Variants in CLIP1 observed in about 807,000 individuals in gnomAD.
The protein encoded by CLIP1 is CAP-Gly domain containing linker protein 1.
CLIP1 carries 66 observed loss-of-function variants against 161.6 expected under a neutral mutation model. The observed-to-expected ratio is 0.41, with a 90% CI of 0.33 to 0.50. CLIP1 has a LOEUF of 0.50. Ranked by LOEUF, CLIP1 falls within the 20% of genes least tolerant of loss-of-function variation. The pLI is 0.27. For missense variants in CLIP1, 1,376 were observed against 1,702.0 expected (o/e 0.81, Z 3.37); for synonymous variants, 598 against 626.2 (o/e 0.96, Z 0.67).
intron 17 of CLIP1, among the ~76,000 whole-genome samples, chr12:122,319,956 G>A (rs934501594): frequency 6.6e-6 from 1 of 152,178 alleles, no homozygotes; most frequent in Admixed American, 6.5e-5. Context: ...ATTCTTAGCT[G>A]TTAACTATCA....
intron 3 of CLIP1, 55 bp from the exon 4 acceptor site, chr12:122,364,162 G>C: frequency 1.9e-6 from 3 of 1,606,884 alleles, no homozygotes; most frequent in South Asian, 2.2e-5. Context: ...TAGCTTAATC[G>C]TTTGTGGTCC....
intron 3 of CLIP1, among the ~76,000 whole-genome samples, chr12:122,366,816 G>C (rs1297154588): frequency 3.9e-5 from 6 of 152,194 alleles, no homozygotes; most frequent in Non-Finnish European, 7.3e-5. Flanking sequence ...ACTCCAGCCT[G>C]GGTGACAGAG....
At chr12:122,390,243 TATATATACAC>T (rs201830343) in intron 1 of CLIP1, among the ~76,000 whole-genome samples, 7,437 of 122,346 alleles carry the variant, frequency 0.061, 461 homozygotes, top group East Asian at 0.27. Flanking sequence ...TACACACACA[TATATATACAC>T]ATATATACAC....
chr12:122,380,484 G>A lies in CLIP1; in HGVS notation c.-32C>T. The A allele has an allele frequency of 7.1e-7, 1 of 1,407,944 alleles. No individual in the cohort carries two copies. The highest frequency in any genetic ancestry group is 1.0e-6 in the Non-Finnish European group (1 of 998,164). The allele number at this position is 1,407,944 out of a possible 1,614,324, so 87.2% of individuals were successfully genotyped here. A position where few individuals can be genotyped will look rare whatever the true frequency, so the allele number is the denominator to read the frequency against. On this transcript the variant is annotated 5_prime_UTR_variant, in exon 2 of 26. Coordinates refer to ENST00000620786, the MANE Select transcript of CLIP1 (RefSeq NM_001247997.2). ...TGTATGTCAGAGCTGTTTCTCCTTT[G>A]CCTGTTGCCACTATCTTTCCCCAAC...
At chr12:122,325,542 C>T (rs1315125769) in intron 17 of CLIP1, among the ~76,000 whole-genome samples, 1 of 151,402 alleles carries the variant, frequency 6.6e-6, no homozygotes, top group Non-Finnish European at 1.5e-5. Flanking sequence ...AGGGAAGTGG[C>T]GCGATCTCGG....
chr12:122,400,434 T>C (rs1229091916), intron 1 of CLIP1: 1 of 152,312 alleles, frequency 6.6e-6, no homozygotes, highest in East Asian at 1.9e-4. Context: ...ACGGGCTTCA[T>C]TTCCCACGTA....
intron 5 of CLIP1, among the ~76,000 whole-genome samples, chr12:122,360,148 G>A (rs1953702647): frequency 6.6e-6 from 1 of 152,164 alleles, no homozygotes; most frequent in African/African-American, 2.4e-5. Context: ...GTTCCCTTTA[G>A]TGTCCTCTGG....
At chr12:122,287,150 G>T (rs1368747416) in intron 21 of CLIP1, among the ~76,000 whole-genome samples, 1 of 151,732 alleles carries the variant, frequency 6.6e-6, no homozygotes, top group Non-Finnish European at 1.5e-5. Flanking sequence ...CTCCAACTGG[G>T]GAGACACAGC....
At chr12:122,322,566 G>A (rs1951552461) in intron 17 of CLIP1, 1 of 152,690 alleles carries the variant, frequency 6.5e-6, no homozygotes, top group Non-Finnish European at 1.5e-5. Context: ...ATCTCTGCCA[G>A]TTCTTGCTCT....
intron 20 of CLIP1, among the ~76,000 whole-genome samples, chr12:122,305,605 AC>A (rs1303439874): frequency 3.3e-5 from 5 of 152,226 alleles, no homozygotes; most frequent in African/African-American, 1.2e-4. Flanking sequence ...GATGGTTAAT[AC>A]TGAGTGTCAA....
Position 122,311,606 on chromosome 12 carries a change from G to C in CLIP1, c.3474-1724C>G, listed in dbSNP as rs1293281039. 6.6e-6 allele frequency among the ~76,000 whole-genome samples: 1 copy of C among 151,812 alleles called. No individual in the cohort carries two copies. The highest frequency in any genetic ancestry group is 1.5e-5 in the Non-Finnish European group (1 of 67,960). On this transcript the variant is annotated intron_variant, in intron 19 of 25. Coordinates refer to ENST00000620786, the MANE Select transcript of CLIP1 (RefSeq NM_001247997.2). The surrounding 1 kb of genome is among the most constrained non-coding windows in gnomAD (Gnocchi z 4.3). ...CGCCCAGCCAATTTTTGTATTTTTA[G>C]TAGAGACGGGGTTTCATCATGTTGG...
At chr12:122,367,999 AAGAT>A (rs1346872819) in intron 3 of CLIP1, among the ~76,000 whole-genome samples, 1 of 152,176 alleles carries the variant, frequency 6.6e-6, no homozygotes, top group East Asian at 1.9e-4. Context: ...AAAAAACTAA[AAGAT>A]AGATTCCCAT....
Position 122,294,881 on chromosome 12 carries a change from C to T in CLIP1, c.3595-6340G>A, listed in dbSNP as rs146329473. Among the ~76,000 whole-genome samples the T allele has an allele frequency of 4.1e-3, 624 of 151,812 alleles. 8 individuals carry two copies. Among genetic ancestry groups the T allele is most frequent in the African/African-American group, 0.014 (584 of 41,402 alleles). On this transcript the variant is annotated intron_variant, in intron 20 of 25. Coordinates refer to ENST00000620786, the MANE Select transcript of CLIP1 (RefSeq NM_001247997.2). Reference sequence around the variant, plus strand: ...CTGCCTAACTAACATGGTGAAACTCCGTCTCTACTAAAAATACAAAAAATT... The same window carrying T: ...CTGCCTAACTAACATGGTGAAACTCTGTCTCTACTAAAAATACAAAAAATT...
intron 21 of CLIP1, among the ~76,000 whole-genome samples, chr12:122,281,389 A>G (rs1770012469): frequency 1.3e-5 from 2 of 152,142 alleles, no homozygotes; most frequent in African/African-American, 4.8e-5. Flanking sequence ...CAAAGATGCA[A>G]TAAAGCCTGG....
chr12:122,316,805 T>C lies in CLIP1; in HGVS notation c.3417A>G (p.Lys1139=), dbSNP rs771113680. The change falls in exon 19 of 26, where the codon AAA becomes AAG. Residue 1139 remains lysine, a synonymous_variant. Transcript: ENST00000620786. ...NNLKNVEELN[K]SKELLTVENQ... ...TCTCTACAGTCAGGAGTTCTTTTGA[T>C]TTGTTCAGCTCTTCCACATTTTTCA... 1.3e-6 allele frequency: 2 copies of C among 1,598,526 alleles called. No homozygotes were observed. Among genetic ancestry groups the C allele is most frequent in the Non-Finnish European group, 1.7e-6 (2 of 1,174,226 alleles).
At chr12:122,350,727 C>T (rs143251695) in intron 9 of CLIP1, among the ~76,000 whole-genome samples, 100 of 150,444 alleles carry the variant, frequency 6.6e-4, no homozygotes, top group African/African-American at 2.4e-3. Flanking sequence ...ATTCCCACAA[C>T]TCCACATCTA....
intron 7 of CLIP1, 22 bp downstream of exon 7, chr12:122,354,431 C>A: frequency 6.3e-7 from 1 of 1,597,222 alleles, no homozygotes; most frequent in Non-Finnish European, 8.6e-7. Flanking sequence ...CACACTTGCA[C>A]CAGGAAACAG....
intron 24 of CLIP1, chr12:122,276,680 CT>C: frequency 6.3e-6 from 2 of 316,386 alleles, no homozygotes; most frequent in South Asian, 2.7e-5. Context: ...GGCTTTTGTA[CT>C]TTTGAATTTT....
chr12:122,344,978 C>T (rs1400994305), intron 10 of CLIP1, among the ~76,000 whole-genome samples: 1 of 115,840 alleles, frequency 8.6e-6, no homozygotes, highest in African/African-American at 3.5e-5. Context: ...TAACTGAATG[C>T]CTTATCTAGA....
Sources: gnomAD v4.1 joint callset for allele counts (sites outside exome capture counted in the v4.1 genomes callset) on GRCh38, gnomAD v4.1.1 for gene constraint, Gnocchi (gnomAD v3.1) non-coding constraint, MANE v1.5 for transcripts, NCBI Gene and HGNC (gene_info 2026-07-23, HGNC 2026-07-21) for gene names.